PICALM: variants seen among roughly 807,000 people sequenced by gnomAD.
PICALM encodes phosphatidylinositol-binding clathrin assembly protein.
A neutral mutation model predicts 80.5 loss-of-function variants in PICALM; 40 were observed. The ratio of observed to expected loss-of-function variants is 0.50; its 90% confidence interval spans 0.39 to 0.65. The LOEUF is 0.65. Ranked by LOEUF, PICALM falls within the 30% of genes least tolerant of loss-of-function variation. The pLI is 0.00. For synonymous variants in PICALM, 288 were observed against 260.3 expected, an observed-to-expected ratio of 1.11 and a Z score of -1.02; for missense variants, 676 against 778.9, an observed-to-expected ratio of 0.87 and a Z score of 1.57.
chr11:85,974,187 C>T (rs1171034764), intron 19 of PICALM, among the ~76,000 whole-genome samples: 2 of 152,144 alleles, frequency 1.3e-5, no homozygotes, highest in African/African-American at 2.4e-5. Flanking sequence ...CTAAGTTTAG[C>T]ATGACATTTC....
chr11:86,007,292 GGAAA>G lies in PICALM; in HGVS notation c.807+246_807+249del, dbSNP rs562089483. 34 of 243,360 alleles carry G rather than the reference GGAAA, an allele frequency of 1.4e-4. No homozygotes were observed. The East Asian group carries it at 2.5e-3, about 18-fold the overall frequency. The allele number at this position is 243,360 out of a possible 1,614,324, so 15.1% of individuals were successfully genotyped here. ...TTTCCTTTTTTAAACAATGATGATG[GGAAA>G]GAAAGAGTGATTGAAGAGATTAAAT... On this transcript the variant is annotated intron_variant, in intron 8 of 19. Coordinates refer to ENST00000393346, the MANE Select transcript of PICALM (RefSeq NM_007166.4).
intron 11 of PICALM, among the ~76,000 whole-genome samples, chr11:85,998,516 G>A (rs603615): frequency 0.81 from 122,768 of 151,766 alleles, 49,820 homozygotes; most frequent in African/African-American, 0.87. Context: ...CTGGAGGCTG[G>A]GTGTAGTGGC....
chr11:86,017,820 T>C (rs2095504183), intron 4 of PICALM, among the ~76,000 whole-genome samples: 1 of 152,126 alleles, frequency 6.6e-6, no homozygotes, highest in Admixed American at 6.5e-5. Context: ...TTTTAGAAAA[T>C]ATTCACCAAA....
intron 9 of PICALM, among the ~76,000 whole-genome samples, chr11:86,002,342 G>C (rs766061845): frequency 1.5e-4 from 23 of 152,142 alleles, no homozygotes; most frequent in Non-Finnish European, 2.9e-4. Context: ...GAAACAACCA[G>C]AAAGTCTAAA....
At chr11:86,037,388 T>G (rs1188845392) in intron 1 of PICALM, among the ~76,000 whole-genome samples, 1 of 151,272 alleles carries the variant, frequency 6.6e-6, no homozygotes, top group Non-Finnish European at 1.5e-5. Flanking sequence ...GCCTCCCAAG[T>G]AGCTGGGATT....
At chr11:86,031,706 C>T in intron 1 of PICALM, 95 bp from the exon 2 acceptor site, 1 of 822,834 alleles carries the variant, frequency 1.2e-6, no homozygotes, top group Non-Finnish European at 1.9e-6. Flanking sequence ...AGATTTAACA[C>T]AAAGTGGAGC....
At chr11:86,021,212 A>G (rs1432121782) in intron 4 of PICALM, among the ~76,000 whole-genome samples, 2 of 152,170 alleles carry the variant, frequency 1.3e-5, no homozygotes, top group African/African-American at 2.4e-5. Flanking sequence ...TTAACTGAGC[A>G]TAGTGTTGCA....
In PICALM at chr11:86,000,752, T is replaced by G; in HGVS notation, c.1045A>C (p.Lys349Gln). 6.2e-7 allele frequency: 1 copy of G among 1,613,040 alleles called. No homozygotes were observed. The highest frequency in any genetic ancestry group is 1.1e-5 in the South Asian group (1 of 91,006). ...KEQRLKELAK[K>Q]PHTSLTTAAS... is the part of the protein sequence containing the mutation. ...GCAGTTGTTAAAGAGGTATGAGGTT[T>G]CTTTGCAAGTTCTTTTAGGCGCTGT... Residue 349 changes from lysine (K) to glutamine (Q), a missense_variant, in exon 11 of 20, where the codon AAA becomes CAA. By Grantham distance (53) the Lys-to-Gln change is moderately conservative. Around this residue, in one of 2 missense-constraint regions of PICALM, gnomAD observed 391 missense variants for 383.6 expected, o/e 1.02. Coordinates refer to ENST00000393346, the MANE Select transcript of PICALM (RefSeq NM_007166.4).
intron 1 of PICALM, among the ~76,000 whole-genome samples, chr11:86,061,952 G>A (rs572737986): frequency 2.6e-5 from 4 of 152,084 alleles, no homozygotes; most frequent in Non-Finnish European, 4.4e-5. Flanking sequence ...CTGTCAAACC[G>A]TGAAAAGCCA....
intron 1 of PICALM, among the ~76,000 whole-genome samples, chr11:86,035,947 C>CAAAAAAAAAAAAAAAAAAGA (rs1290619551): frequency 1.5e-5 from 1 of 66,508 alleles, no homozygotes. Flanking sequence ...GACTCTGCCT[C>CAAAAAAAAAAAAAAAAAAGA]AAAAAAAAAA....
At chr11:86,015,382 C>G (rs2095465415) in intron 4 of PICALM, among the ~76,000 whole-genome samples, 1 of 152,034 alleles carries the variant, frequency 6.6e-6, no homozygotes, top group Non-Finnish European at 1.5e-5. Flanking sequence ...CTCTGTAGGC[C>G]AAGAGTTAAC....
At chr11:86,010,412 C>G (rs1014524645) in intron 7 of PICALM, among the ~76,000 whole-genome samples, 3 of 151,868 alleles carry the variant, frequency 2.0e-5, no homozygotes, top group Non-Finnish European at 2.9e-5. Flanking sequence ...CTGCAACCTC[C>G]GCCTCCTGGG....
rs2093562044 is a variant in PICALM at position 85,957,205 on chromosome 11, A to G, written c.*1841T>C. ...ATGAAAATGGTTTAATAATACTGAAACTTAAAAGCTGATAAAATTTATTGG... is the reference window on the plus strand; with the variant it reads ...ATGAAAATGGTTTAATAATACTGAAGCTTAAAAGCTGATAAAATTTATTGG... On this transcript the variant is annotated 3_prime_UTR_variant, in exon 20 of 20. Coordinates refer to ENST00000393346, the MANE Select transcript of PICALM (RefSeq NM_007166.4). 6.6e-6 allele frequency among the ~76,000 whole-genome samples: 1 copy of G among 152,174 alleles called. No individual in the cohort carries two copies.
chr11:86,069,029 C>G lies in PICALM; in HGVS notation c.-249G>C. The stretch of plus-strand genomic sequence containing the variant: ...CCGCCTCAGTTCAGCCCACCCCTTC[C>G]CGGGTCAGCTGGAGCCGGGCAGGGT... On this transcript the variant is annotated 5_prime_UTR_variant, in exon 1 of 20. Coordinates refer to ENST00000393346, the MANE Select transcript of PICALM (RefSeq NM_007166.4). 1 of 489,576 alleles carries G rather than the reference C, an allele frequency of 2.0e-6. No individual in the cohort carries two copies. The highest frequency in any genetic ancestry group is 2.7e-5 in the South Asian group (1 of 37,494). 30.3% of individuals were successfully genotyped at this position (489,576 alleles called of 1,614,324 possible).
intron 7 of PICALM, among the ~76,000 whole-genome samples, chr11:86,010,662 G>C (rs1465121515): frequency 6.6e-6 from 1 of 152,082 alleles, no homozygotes; most frequent in African/African-American, 2.4e-5. Flanking sequence ...TGTCTCACTG[G>C]AAAGAAACCT....
At chr11:85,969,623 GA>G in intron 19 of PICALM, 1 of 393,504 alleles carries the variant, frequency 2.5e-6, no homozygotes. Context: ...GACTGGCTGA[GA>G]ATCATTAAAC....
intron 3 of PICALM, among the ~76,000 whole-genome samples, chr11:86,023,212 T>C (rs2095596046): frequency 6.6e-6 from 1 of 152,204 alleles, no homozygotes; most frequent in South Asian, 2.1e-4. Flanking sequence ...TTTTATCTCA[T>C]ATTCATCTAA....
At chr11:85,963,755 T>C (rs1172424126) in intron 19 of PICALM, among the ~76,000 whole-genome samples, 2 of 147,800 alleles carry the variant, frequency 1.4e-5, no homozygotes, top group Non-Finnish European at 3.1e-5. Context: ...TTATAGAGCG[T>C]GTTTCATATA....
intron 19 of PICALM, 35 bp from the exon 20 acceptor site, chr11:85,959,095 A>AT (rs1398882472): frequency 5.5e-6 from 8 of 1,459,060 alleles, no homozygotes; most frequent in Non-Finnish European, 7.6e-6. Context: ...AATTCATTGT[A>AT]TTGTAGGATG....
Sources: gnomAD v4.1 joint callset for allele counts (sites outside exome capture counted in the v4.1 genomes callset) on GRCh38, gnomAD v4.1.1 for gene constraint, gnomAD v4.1.1 regional missense constraint, MANE v1.5 for transcripts, NCBI Gene and HGNC (gene_info 2026-07-23, HGNC 2026-07-21) for gene names.